JAKMIP1: variants seen among roughly 807,000 people sequenced by gnomAD.
The protein encoded by JAKMIP1 is janus kinase and microtubule-interacting protein 1.
JAKMIP1 carries 33 observed loss-of-function variants against 113.0 expected under a neutral mutation model. That is an observed-to-expected ratio of 0.29 (90% CI 0.22 to 0.39). The LOEUF (loss-of-function observed/expected upper bound fraction) is 0.39, where lower values mean the gene tolerates loss of function less well. Among genes scored for constraint, JAKMIP1 ranks in the 10% least tolerant of loss-of-function variants. JAKMIP1 has a pLI of 1.00. For missense variants in JAKMIP1, 813 were observed against 1,080.5 expected (o/e 0.75, Z 3.47); for synonymous variants, 480 against 459.9 (o/e 1.04, Z -0.56).
intron 1 of JAKMIP1, among the ~76,000 whole-genome samples, chr4:6,146,610 T>C (rs1720883238): frequency 6.6e-6 from 1 of 152,144 alleles, no homozygotes; most frequent in Non-Finnish European, 1.5e-5. Context: ...GTCCTGATAA[T>C]AGACTGTGGT....
In JAKMIP1 at chr4:6,067,869, C is replaced by T. The variant is rs1051933330; in HGVS notation, c.1303-2861G>A. On this transcript the variant is annotated intron_variant, in intron 8 of 20. Transcript: ENST00000409021. The surrounding 1 kb of genome is among the most constrained non-coding windows in gnomAD (Gnocchi z 4.6). Reference sequence around the variant, plus strand: ...ACGCAGGTCACCCCCCTGAGCTCCACGTTCCACATTTTTCTGAACAGCCAC... The same window carrying T: ...ACGCAGGTCACCCCCCTGAGCTCCATGTTCCACATTTTTCTGAACAGCCAC... Among the ~76,000 whole-genome samples the T allele has an allele frequency of 6.6e-6, 1 of 152,104 alleles. No individual in the cohort carries two copies. The highest frequency in any genetic ancestry group is 1.5e-5 in the Non-Finnish European group (1 of 68,028).
chr4:6,060,160 C>T lies in JAKMIP1; in HGVS notation c.1644+264G>A, dbSNP rs566175215. Among the ~76,000 whole-genome samples, 12 of 152,322 alleles carry T rather than the reference C, an allele frequency of 7.9e-5. No individual in the cohort carries two copies. In the South Asian group the frequency reaches 2.5e-3, roughly 32 times the overall value. ...GATCACACCTTTGCTTTTGGAATTA[C>T]CTCTTTTTTGTGCATTTGGCAAACA... On this transcript the variant is annotated intron_variant, in intron 11 of 20. Transcript: ENST00000409021.
intron 1 of JAKMIP1, among the ~76,000 whole-genome samples, chr4:6,119,947 T>C (rs6850782): frequency 0.99 from 150,906 of 152,350 alleles, 74,756 homozygotes; most frequent in Middle Eastern, 1. Flanking sequence ...TCAAGTAACA[T>C]AGGCACAAAA....
In JAKMIP1 at chr4:6,137,304, A is replaced by G. The variant is rs1719386544; in HGVS notation, c.-147-24307T>C. ...GGGCCCACTGAGCCACAGCAGCCAC[A>G]GTGGCTGCAAGACGGCACGCGCTGG... On this transcript the variant is annotated intron_variant, in intron 1 of 20. Coordinates refer to ENST00000409021, the MANE Select transcript of JAKMIP1 (RefSeq NM_001099433.2). This position sits in a 1 kb window ranked among gnomAD's most constrained non-coding sequence, Gnocchi z 4.5. 6.6e-6 allele frequency among the ~76,000 whole-genome samples: 1 copy of G among 152,140 alleles called. No homozygotes were observed. The highest frequency in any genetic ancestry group is 2.1e-4 in the South Asian group (1 of 4,806).
chr4:6,035,407 G>A (rs953609899), intron 19 of JAKMIP1, among the ~76,000 whole-genome samples: 2 of 152,082 alleles, frequency 1.3e-5, no homozygotes, highest in African/African-American at 2.4e-5. Flanking sequence ...TCCCTTCCTC[G>A]TCAATCAGGA....
Position 6,063,955 on chromosome 4 carries a change from G to A in JAKMIP1, c.1431+925C>T, listed in dbSNP as rs372941013. On this transcript the variant is annotated intron_variant, in intron 9 of 20. Coordinates refer to ENST00000409021, the MANE Select transcript of JAKMIP1 (RefSeq NM_001099433.2). ...GAAGTGCTCCCTCGCGAGGTAGCGCGATCCACCTGCCCCTGCCGGAGGGCA... is the reference window on the plus strand; with the variant it reads ...GAAGTGCTCCCTCGCGAGGTAGCGCAATCCACCTGCCCCTGCCGGAGGGCA... Among the ~76,000 whole-genome samples, 17 of 152,326 alleles carry A rather than the reference G, an allele frequency of 1.1e-4. No individual in the cohort carries two copies. The East Asian group carries it at 1.2e-3, about 10-fold the overall frequency.
chr4:6,123,292 G>T (rs534253723), intron 1 of JAKMIP1, among the ~76,000 whole-genome samples: 2 of 152,172 alleles, frequency 1.3e-5, no homozygotes, highest in Non-Finnish European at 2.9e-5. Flanking sequence ...CGTCCCAGGG[G>T]CACAGCTTGA....
rs893628123 is a variant in JAKMIP1, at chr4:6,081,439, G to A, written c.1101+170C>T. ...AACACCCACAGCACAGTGAATGTGA[G>A]ACAGGTGGAGAGAAAGGCGAGACAT... On this transcript the variant is annotated intron_variant, in intron 6 of 20. Transcript: ENST00000409021. The surrounding 1 kb of genome is among the most constrained non-coding windows in gnomAD (Gnocchi z 4.6). Among the ~76,000 whole-genome samples the A allele has an allele frequency of 6.6e-6, 1 of 152,216 alleles. No homozygotes were observed. The highest frequency in any genetic ancestry group is 1.5e-5 in the Non-Finnish European group (1 of 68,046).
In JAKMIP1 at chr4:6,181,511, C is replaced by A. The variant is rs560681911; in HGVS notation, c.-148+18742G>T. Reference sequence around the variant, plus strand: ...CCCCATCCCTTGAGGAGCTCCTAGCCAAGCAAAGGAGACACTGTAACAAGC... The same window carrying A: ...CCCCATCCCTTGAGGAGCTCCTAGCAAAGCAAAGGAGACACTGTAACAAGC... On this transcript the variant is annotated intron_variant, in intron 1 of 20. Transcript: ENST00000409021. This position sits in a 1 kb window ranked among gnomAD's most constrained non-coding sequence, Gnocchi z 5.4. Among the ~76,000 whole-genome samples the A allele has an allele frequency of 2.0e-5, 3 of 152,208 alleles. No individual in the cohort carries two copies. The South Asian group carries it at 6.2e-4, about 32-fold the overall frequency.
rs1355461494 is a variant in JAKMIP1, at chr4:6,137,597, A to ACT, written c.-147-24602_-147-24601dup. Among the ~76,000 whole-genome samples the ACT allele has an allele frequency of 1.3e-5, 2 of 151,854 alleles. No individual in the cohort carries two copies. ...AGACGCTCTTTTTCAGCCAATCCAC[A>ACT]CTCTCTCCGCACCTGGAGGCAATGA... On this transcript the variant is annotated intron_variant, in intron 1 of 20. Coordinates refer to ENST00000409021, the MANE Select transcript of JAKMIP1 (RefSeq NM_001099433.2). The surrounding 1 kb of genome is among the most constrained non-coding windows in gnomAD (Gnocchi z 4.5).
At position 6,065,158 on chromosome 4, in the gene JAKMIP1, T is replaced by A; in HGVS notation, c.1303-150A>T. ...AGATGCGGTTGGTGGGCTTCGTAAC[T>A]GACTGGGTGGGATAAAAGGTGGCAG... On this transcript the variant is annotated intron_variant, in intron 8 of 20. Transcript: ENST00000409021. This position sits in a 1 kb window ranked among gnomAD's most constrained non-coding sequence, Gnocchi z 5.1. 1.0e-6 allele frequency: 1 copy of A among 976,414 alleles called. No homozygotes were observed. Among genetic ancestry groups the A allele is most frequent in the Non-Finnish European group, 1.6e-6 (1 of 632,200 alleles). 60.5% of individuals were successfully genotyped at this position (976,414 alleles called of 1,614,324 possible). A position where few individuals can be genotyped will look rare whatever the true frequency, so the allele number is the denominator to read the frequency against.
chr4:6,049,026 TTATTA>T lies in JAKMIP1; in HGVS notation c.1963-109_1963-105del. 1 of 854,666 alleles carries T rather than the reference TTATTA, an allele frequency of 1.2e-6. No homozygotes were observed. Among genetic ancestry groups the T allele is most frequent in the South Asian group, 1.5e-5 (1 of 68,552 alleles). The allele number at this position is 854,666 out of a possible 1,614,324, so 52.9% of individuals were successfully genotyped here. ...TTTTTTTTCGTTGTTGTTGTTTGTT[TTATTA>T]TGTTTGTTTGTTTTGAGACGGAGTC... On this transcript the variant is annotated intron_variant, in intron 15 of 20. Transcript: ENST00000409021. The surrounding 1 kb of genome is among the most constrained non-coding windows in gnomAD (Gnocchi z 7.0).
intron 3 of JAKMIP1, among the ~76,000 whole-genome samples, chr4:6,090,682 T>C (rs1384486623): frequency 6.6e-6 from 1 of 152,024 alleles, no homozygotes; most frequent in Non-Finnish European, 1.5e-5. Flanking sequence ...AGAGCGTCAC[T>C]GCCCCACGTT....
Position 6,172,013 on chromosome 4 carries a change from TC to T in JAKMIP1, c.-148+28239del, listed in dbSNP as rs200107347. Reference sequence around the variant, plus strand: ...GAATTCCTTCCATCTTCCCACAAGCTCCCCCACGTGATACCTGATTGTTGTT... The same window carrying T: ...GAATTCCTTCCATCTTCCCACAAGCTCCCCACGTGATACCTGATTGTTGTT... On this transcript the variant is annotated intron_variant, in intron 1 of 20. Transcript: ENST00000409021. Among the ~76,000 whole-genome samples the T allele has an allele frequency of 8.2e-3, 1,242 of 152,116 alleles. 17 individuals carry two copies. Among genetic ancestry groups the T allele is most frequent in the African/African-American group, 0.029 (1,198 of 41,494 alleles).
rs545210594 is a variant in JAKMIP1 at position 6,132,557 on chromosome 4, G to A, written c.-147-19560C>T. On this transcript the variant is annotated intron_variant, in intron 1 of 20. Transcript: ENST00000409021. ...CTTGGGAGGCTGAGGCAGGAGGATC[G>A]CTTGAATCTGGGATGTGGAGGTTGC... 1.9e-4 allele frequency among the ~76,000 whole-genome samples: 29 copies of A among 151,462 alleles called. No individual in the cohort carries two copies. In the South Asian group the frequency reaches 3.1e-3, roughly 16 times the overall value.
rs1715566746 is a variant in JAKMIP1 at position 6,050,825 on chromosome 4, T to C, written c.1807-146A>G. The C allele has an allele frequency of 4.7e-6, 3 of 643,324 alleles. No individual in the cohort carries two copies. The highest frequency in any genetic ancestry group is 5.4e-5 in the Admixed American group (2 of 37,330). The allele number at this position is 643,324 out of a possible 1,614,324, so 39.9% of individuals were successfully genotyped here. A position where few individuals can be genotyped will look rare whatever the true frequency, so the allele number is the denominator to read the frequency against. On this transcript the variant is annotated intron_variant, in intron 13 of 20. Transcript: ENST00000409021. This position sits in a 1 kb window ranked among gnomAD's most constrained non-coding sequence, Gnocchi z 7.4. ...CGAGTTCGGACTAGAAGCAGCCTCG[T>C]CCGTGAGCTACGACGTTTTCACGCC...
At chr4:6,124,954 A>G (rs772906269) in intron 1 of JAKMIP1, among the ~76,000 whole-genome samples, 28 of 152,334 alleles carry the variant, frequency 1.8e-4, no homozygotes, top group South Asian at 8.3e-4. Context: ...CACAGGAGAC[A>G]GACCCATTTT....
Position 6,084,966 on chromosome 4 carries a change from CTA to C in JAKMIP1, c.835-3_835-2del. Reference sequence around the variant, plus strand: ...CATCTCGCTCGTCCATATGTTGATCCTAAAAAAAAAAAAAAAAAAAAAAAAAA... The same window carrying C: ...CATCTCGCTCGTCCATATGTTGATCCAAAAAAAAAAAAAAAAAAAAAAAAA... On this transcript the variant is annotated splice_acceptor_variant and splice_polypyrimidine_tract_variant and intron_variant, in intron 4 of 20. Transcript: ENST00000409021. LOFTEE classifies it high-confidence loss of function. The C allele has an allele frequency of 1.1e-5, 2 of 187,344 alleles. No individual in the cohort carries two copies. The highest frequency in any genetic ancestry group is 1.1e-4 in the East Asian group (1 of 8,848). 11.6% of individuals were successfully genotyped at this position (187,344 alleles called of 1,614,324 possible). A position where few individuals can be genotyped will look rare whatever the true frequency, so the allele number is the denominator to read the frequency against.
intron 12 of JAKMIP1, 28 bp from the exon 13 acceptor site, chr4:6,054,176 A>G (rs773297310): frequency 6.2e-7 from 1 of 1,613,026 alleles, no homozygotes; most frequent in South Asian, 1.1e-5. Context: ...GCGGATTAAC[A>G]GGATGGGTGG....
Sources: gnomAD v4.1 joint callset for allele counts (sites outside exome capture counted in the v4.1 genomes callset) on GRCh38, gnomAD v4.1.1 for gene constraint, Gnocchi (gnomAD v3.1) non-coding constraint, MANE v1.5 for transcripts, NCBI Gene and HGNC (gene_info 2026-07-23, HGNC 2026-07-21) for gene names.